Variants in AKAP6 observed in about 807,000 individuals in gnomAD.
The protein encoded by AKAP6 is A-kinase anchoring protein 6.
A neutral mutation model predicts 188.5 loss-of-function variants in AKAP6; 58 were observed. The ratio of observed to expected loss-of-function variants is 0.31; its 90% confidence interval spans 0.25 to 0.38. The LOEUF is 0.38. Ranked by LOEUF, AKAP6 falls within the 10% of genes least tolerant of loss-of-function variation. The probability of loss-of-function intolerance (pLI) is 1.00; values close to 1 mark genes in which losing one functional copy is unlikely to be tolerated. For synonymous variants in AKAP6, 989 were observed against 998.6 expected (o/e 0.99, Z 0.18); for missense variants, 2,710 against 2,740.0 (o/e 0.99, Z 0.24).
chr14:32,545,353 G>A lies in AKAP6; in HGVS notation c.700G>A (p.Glu234Lys). 6.2e-7 allele frequency: 1 copy of A among 1,614,178 alleles called. No individual in the cohort carries two copies. Among genetic ancestry groups the A allele is most frequent in the South Asian group, 1.1e-5 (1 of 91,078 alleles). Residue 234 changes from glutamate (E) to lysine (K), a missense_variant, in exon 4 of 14, where the codon GAG (glutamate) becomes AAG (lysine). Coordinates refer to ENST00000280979, the MANE Select transcript of AKAP6 (RefSeq NM_004274.5). ...AFELSDYSPS[E>K]DLLSGLGDMT... ...CGAACTGTCTGACTACAGTCCAAGTGAGGATTTGCTCAGTGGGCTAGGTGA... is the reference window on the plus strand; with the variant it reads ...CGAACTGTCTGACTACAGTCCAAGTAAGGATTTGCTCAGTGGGCTAGGTGA...
chr14:32,604,633 G>T (rs944166549), intron 7 of AKAP6, among the ~76,000 whole-genome samples: 1 of 152,066 alleles, frequency 6.6e-6, no homozygotes, highest in African/African-American at 2.4e-5. Flanking sequence ...CTAGCTGTGT[G>T]TTCCTGGGAA....
At chr14:32,478,597 A>G (rs368358443) in intron 2 of AKAP6, among the ~76,000 whole-genome samples, 8 of 152,200 alleles carry the variant, frequency 5.3e-5, no homozygotes, top group East Asian at 3.8e-4. Context: ...ATCAGCAAGG[A>G]GAAAACTAGA....
chr14:32,412,113 A>G (rs542070911), intron 1 of AKAP6, among the ~76,000 whole-genome samples: 2 of 152,266 alleles, frequency 1.3e-5, no homozygotes, highest in Admixed American at 1.3e-4. Context: ...AGTTACTTTC[A>G]GCTTTTCTGG....
intron 12 of AKAP6, among the ~76,000 whole-genome samples, chr14:32,777,689 T>C (rs2033109752): frequency 6.6e-6 from 1 of 152,110 alleles, no homozygotes; most frequent in South Asian, 2.1e-4. Context: ...ATCAGTGAGC[T>C]CTGAGGTATC....
intron 12 of AKAP6, among the ~76,000 whole-genome samples, chr14:32,813,368 AC>A (rs1466733158): frequency 1.3e-5 from 2 of 148,958 alleles, no homozygotes; most frequent in African/African-American, 5.0e-5. Flanking sequence ...AAGAGTAGTT[AC>A]AGTTTTCATC....
chr14:32,708,725 G>T (rs1363257193), intron 9 of AKAP6, among the ~76,000 whole-genome samples: 2 of 151,878 alleles, frequency 1.3e-5, no homozygotes, highest in Non-Finnish European at 2.9e-5. Flanking sequence ...ATTAGCATCT[G>T]ACAGATTTGT....
intron 5 of AKAP6, among the ~76,000 whole-genome samples, chr14:32,578,141 T>A (rs1423650128): frequency 2.0e-5 from 3 of 152,034 alleles, no homozygotes; most frequent in Non-Finnish European, 4.4e-5. Flanking sequence ...TATGTGGGAG[T>A]CCTACCTGTA....
intron 2 of AKAP6, among the ~76,000 whole-genome samples, chr14:32,479,682 A>G (rs543478176): frequency 3.3e-5 from 5 of 152,272 alleles, no homozygotes; most frequent in African/African-American, 9.6e-5. Context: ...CCAAGGAGAT[A>G]TATTAGAAGG....
intron 2 of AKAP6, among the ~76,000 whole-genome samples, chr14:32,512,230 A>T (rs115987203): frequency 3.3e-5 from 5 of 152,264 alleles, no homozygotes; most frequent in African/African-American, 1.2e-4. Flanking sequence ...CTCAGAGCTA[A>T]TTTTTTGATT....
intron 7 of AKAP6, among the ~76,000 whole-genome samples, chr14:32,615,152 A>G (rs1358963365): frequency 8.2e-6 from 1 of 121,276 alleles, no homozygotes; most frequent in Non-Finnish European, 1.7e-5. Context: ...CTGGCAACAG[A>G]GCAAGACTCT....
At chr14:32,770,114 T>A (rs928891519) in intron 11 of AKAP6, among the ~76,000 whole-genome samples, 7 of 152,116 alleles carry the variant, frequency 4.6e-5, no homozygotes, top group African/African-American at 1.7e-4. Context: ...AAAACCCAGA[T>A]AAACCAAAAA....
intron 1 of AKAP6, among the ~76,000 whole-genome samples, chr14:32,388,196 C>G (rs966692702): frequency 2.0e-5 from 3 of 152,050 alleles, no homozygotes; most frequent in African/African-American, 7.2e-5. Context: ...GTAATATCTC[C>G]CATTTTATTT....
At chr14:32,746,458 A>G (rs1421730912) in intron 11 of AKAP6, among the ~76,000 whole-genome samples, 2 of 151,996 alleles carry the variant, frequency 1.3e-5, no homozygotes, top group Non-Finnish European at 2.9e-5. Flanking sequence ...ATGTCTAGAG[A>G]TGTCATCTGG....
chr14:32,633,365 G>A lies in AKAP6; in HGVS notation c.2730+32573G>A, dbSNP rs187082205. On this transcript the variant is annotated intron_variant, in intron 7 of 13. Transcript: ENST00000280979. ...TCTGTTGCTTTAATTTATAGTGACA[G>A]CATCTGCAAAAAGCACAGGGTTACT... 3.4e-4 allele frequency among the ~76,000 whole-genome samples: 51 copies of A among 152,198 alleles called. 1 individual carries two copies. In the East Asian group the frequency reaches 9.3e-3, roughly 28 times the overall value.
intron 9 of AKAP6, among the ~76,000 whole-genome samples, chr14:32,724,823 A>AT (rs1481075419): frequency 6.6e-6 from 1 of 151,826 alleles, no homozygotes; most frequent in Non-Finnish European, 1.5e-5. Flanking sequence ...AAATTTCTCT[A>AT]TTTTTTATTG....
rs779289415 is a variant in AKAP6 at position 32,600,721 on chromosome 14, G to C, written c.2659G>C (p.Asp887His). Reference protein sequence around the residue: ...RQHSWILRALDTIKAEILATD... With the variant: ...RQHSWILRALHTIKAEILATD... ...GCACAGCTGGATTCTCAGGGCTCTG[G>C]ATACCATCAAAGCCGAGATACTGGC... is the stretch of plus-strand genomic sequence containing the variant. The change falls in exon 7 of 14, where the codon GAT becomes CAT. Residue 887 changes from aspartate (D) to histidine (H), a missense_variant. By Grantham distance (81) the Asp-to-His change is moderately conservative (BLOSUM62 -1). This residue lies in a region of AKAP6 where 2,473 missense variants were observed against 2,426.1 expected (regional missense o/e 1.02). Transcript: ENST00000280979. 6.2e-7 allele frequency: 1 copy of C among 1,613,514 alleles called. No individual in the cohort carries two copies. The highest frequency in any genetic ancestry group is 8.5e-7 in the Non-Finnish European group (1 of 1,179,804).
intron 5 of AKAP6, among the ~76,000 whole-genome samples, chr14:32,587,776 G>T (rs146826179): frequency 6.6e-6 from 1 of 152,220 alleles, no homozygotes; most frequent in African/African-American, 2.4e-5. Flanking sequence ...AGCTGGGCAA[G>T]ATTTGAGTGT....
chr14:32,756,692 A>G (rs1486294565), intron 11 of AKAP6, among the ~76,000 whole-genome samples: 1 of 152,182 alleles, frequency 6.6e-6, no homozygotes, highest in Non-Finnish European at 1.5e-5. Flanking sequence ...CTAAGGCCAC[A>G]GGGGCCAGCC....
chr14:32,406,395 A>G (rs982077884), intron 1 of AKAP6, among the ~76,000 whole-genome samples: 1 of 152,106 alleles, frequency 6.6e-6, no homozygotes, highest in African/African-American at 2.4e-5. Context: ...TTTTTAGTAG[A>G]GACGGGGTTT....
Sources: allele counts gnomAD v4.1 joint callset (sites outside exome capture counted in the v4.1 genomes callset), GRCh38; gene constraint gnomAD v4.1.1; regional missense constraint gnomAD v4.1.1; transcripts MANE v1.5; gene names NCBI Gene and HGNC (gene_info 2026-07-23, HGNC 2026-07-21).